ULK4: variants seen among roughly 807,000 people sequenced by gnomAD.
ULK4 encodes unc-51 like kinase 4.
Under a neutral mutation model 160.6 loss-of-function variants are expected in ULK4, and 133 were observed. The ratio of observed to expected loss-of-function variants is 0.83; its 90% CI spans 0.72 to 0.96. The LOEUF (loss-of-function observed/expected upper bound fraction) is 0.96, where lower values mean the gene tolerates loss of function less well. Among genes scored for constraint, ULK4 ranks in the 40% least tolerant of loss-of-function variants. ULK4 has a pLI of 0.00. For missense variants in ULK4, 1,580 were observed against 1,499.5 expected (o/e 1.05, Z -0.89); for synonymous variants, 534 against 539.8 (o/e 0.99, Z 0.15).
chr3:41,887,618 A>C (rs1466789465), intron 16 of ULK4, among the ~76,000 whole-genome samples: 2 of 152,154 alleles, frequency 1.3e-5, no homozygotes, highest in African/African-American at 4.8e-5. Context: ...TCAGAAGTTC[A>C]AGGCCAGCCT....
intron 31 of ULK4, among the ~76,000 whole-genome samples, chr3:41,584,965 T>C (rs182905546): frequency 6.6e-6 from 1 of 152,018 alleles, no homozygotes; most frequent in Non-Finnish European, 1.5e-5. Context: ...AAAAGACTTG[T>C]ACACAAAAAA....
chr3:41,258,150 A>C (rs769451437), intron 35 of ULK4, among the ~76,000 whole-genome samples: 94 of 152,190 alleles, frequency 6.2e-4, no homozygotes, highest in Non-Finnish European at 1.0e-3. Context: ...ATTAGATTCC[A>C]CTGTATCTGC....
chr3:41,561,775 G>C (rs1031984531), intron 32 of ULK4, among the ~76,000 whole-genome samples: 7 of 152,054 alleles, frequency 4.6e-5, no homozygotes, highest in African/African-American at 7.2e-5. Context: ...ACTCTTGCTA[G>C]TGGTCTATTA....
At chr3:41,888,727 A>T (rs1717000) in intron 16 of ULK4, among the ~76,000 whole-genome samples, 4 of 152,046 alleles carry the variant, frequency 2.6e-5, no homozygotes, top group Admixed American at 2.0e-4. Context: ...ATAGGTGTGG[A>T]TGTGGGAAGC....
In ULK4 at chr3:41,912,790, A is replaced by T. The variant is rs1217039529; in HGVS notation, c.896+17T>A. ...TCCAGTAACTATGTCCCATACACAAAGGTAAGTGTATACTACCTGAGACTG... is the reference window on the plus strand; with the variant it reads ...TCCAGTAACTATGTCCCATACACAATGGTAAGTGTATACTACCTGAGACTG... On this transcript the variant is annotated intron_variant, in intron 9 of 36. Transcript: ENST00000301831. The T allele has an allele frequency of 6.2e-7, 1 of 1,609,808 alleles. No homozygotes were observed. The highest frequency in any genetic ancestry group is 8.5e-7 in the Non-Finnish European group (1 of 1,176,438).
At chr3:41,271,806 A>G (rs112957737) in intron 35 of ULK4, among the ~76,000 whole-genome samples, 4,948 of 140,336 alleles carry the variant, frequency 0.035, 102 homozygotes, top group African/African-American at 0.075. Flanking sequence ...GCTATTACAA[A>G]TAAGGCTACT....
intron 29 of ULK4, among the ~76,000 whole-genome samples, chr3:41,664,146 G>A (rs1392954846): frequency 1.3e-5 from 2 of 152,102 alleles, no homozygotes; most frequent in Non-Finnish European, 2.9e-5. Flanking sequence ...ATTGCTGTTG[G>A]GAAGATTCAG....
At chr3:41,911,174 G>C (rs1698771280) in intron 11 of ULK4, 143 bp downstream of exon 11, 1 of 806,954 alleles carries the variant, frequency 1.2e-6, no homozygotes, top group Non-Finnish European at 2.0e-6. Context: ...CTGTAACTTT[G>C]AAATTGGAGA....
Position 41,408,915 on chromosome 3 carries a change from T to C in ULK4, c.3493-10651A>G, listed in dbSNP as rs577112468. Among the ~76,000 whole-genome samples, 3 of 152,200 alleles carry C rather than the reference T, an allele frequency of 2.0e-5. No homozygotes were observed. The East Asian group carries it at 5.8e-4, about 29-fold the overall frequency. ...AACTGGACATATAAAAAAATGAAAC[T>C]GGACCCCACATCACACCATATATAA... On this transcript the variant is annotated intron_variant, in intron 34 of 36. Transcript: ENST00000301831.
rs1051080738 is a variant in ULK4 at position 41,565,875 on chromosome 3, C to T, written c.3226+150G>A. 11 of 594,274 alleles carry T rather than the reference C, an allele frequency of 1.9e-5. No individual in the cohort carries two copies. The African/African-American group carries it at 1.9e-4, about 10-fold the overall frequency. The allele number at this position is 594,274 out of a possible 1,614,324, so 36.8% of individuals were successfully genotyped here. A position where few individuals can be genotyped will look rare whatever the true frequency, so the allele number is the denominator to read the frequency against. On this transcript the variant is annotated intron_variant, in intron 32 of 36. Transcript: ENST00000301831. ...GAATTAACTTAGAGAAACCATCCCA[C>T]AATTCCAAATTTTGCTAGTAATATT...
At chr3:41,887,286 A>G (rs1165290569) in intron 16 of ULK4, among the ~76,000 whole-genome samples, 1 of 152,250 alleles carries the variant, frequency 6.6e-6, no homozygotes, top group African/African-American at 2.4e-5. Flanking sequence ...GAGATAATCC[A>G]CATGCAGAAA....
intron 32 of ULK4, among the ~76,000 whole-genome samples, chr3:41,481,022 C>G (rs941159464): frequency 3.9e-5 from 6 of 152,052 alleles, no homozygotes; most frequent in Non-Finnish European, 7.4e-5. Flanking sequence ...GGGACACAGC[C>G]AAACTGTATC....
chr3:41,691,540 T>C (rs2036297059), intron 27 of ULK4, among the ~76,000 whole-genome samples: 1 of 152,056 alleles, frequency 6.6e-6, no homozygotes. Context: ...GGCAGACCCA[T>C]ACGGATTTGC....
At chr3:41,275,240 C>T (rs1185741649) in intron 35 of ULK4, among the ~76,000 whole-genome samples, 1 of 152,216 alleles carries the variant, frequency 6.6e-6, no homozygotes, top group Non-Finnish European at 1.5e-5. Flanking sequence ...GATCAGTGAT[C>T]CATTACTACA....
chr3:41,582,114 T>C (rs2030399152), intron 31 of ULK4, among the ~76,000 whole-genome samples: 1 of 152,216 alleles, frequency 6.6e-6, no homozygotes, highest in Non-Finnish European at 1.5e-5. Flanking sequence ...AATTGAATCA[T>C]GGGGGTAATT....
chr3:41,506,767 A>AAAAAAAAAAAAATATATCTATAAATAT, intron 32 of ULK4, among the ~76,000 whole-genome samples: 1 of 56,766 alleles, frequency 1.8e-5, no homozygotes, highest in Non-Finnish European at 3.1e-5. Flanking sequence ...TGTGATTTAA[A>AAAAAAAAAAAAATATATCTATAAATAT]ATATATATAT....
intron 32 of ULK4, among the ~76,000 whole-genome samples, chr3:41,563,307 A>C (rs186608416): frequency 4.6e-5 from 7 of 151,530 alleles, no homozygotes; most frequent in African/African-American, 9.8e-5. Context: ...CCTTCATTTC[A>C]ACCTTGGTGA....
intron 17 of ULK4, among the ~76,000 whole-genome samples, chr3:41,864,341 C>A (rs545145910): frequency 6.8e-6 from 1 of 147,474 alleles, no homozygotes; most frequent in East Asian, 2.0e-4. Context: ...GTTGGCAATT[C>A]AGAACTGTTT....
chr3:41,830,311 T>C (rs1216613982), intron 18 of ULK4, among the ~76,000 whole-genome samples: 1 of 151,976 alleles, frequency 6.6e-6, no homozygotes, highest in South Asian at 2.1e-4. Flanking sequence ...AAAAGGTATA[T>C]ACCAAGGAAA....
Sources: gnomAD v4.1 joint callset for allele counts (sites outside exome capture counted in the v4.1 genomes callset) on GRCh38, gnomAD v4.1.1 for gene constraint, MANE v1.5 for transcripts, NCBI Gene and HGNC (gene_info 2026-07-23, HGNC 2026-07-21) for gene names.